Variants in NRG1 observed in about 807,000 individuals in gnomAD.
NRG1 encodes neuregulin 1.
NRG1 carries 18 observed loss-of-function variants against 63.8 expected under a neutral mutation model. The observed-to-expected ratio is 0.28, with a 90% confidence interval of 0.19 to 0.42. NRG1 has a LOEUF of 0.42. Ranked by LOEUF, NRG1 falls within the 10% of genes least tolerant of loss-of-function variation. The pLI is 1.00. For missense variants in NRG1, 762 were observed against 814.7 expected, an observed-to-expected ratio of 0.94 and a Z score of 0.79; for synonymous variants, 302 against 301.3, an observed-to-expected ratio of 1.00 and a Z score of -0.02.
chr8:32,191,004 GACAAT>G (rs1283227898), intron 1 of NRG1, among the ~76,000 whole-genome samples: 2 of 152,100 alleles, frequency 1.3e-5, no homozygotes, highest in Non-Finnish European at 2.9e-5. Flanking sequence ...TCCAGTTGGA[GACAAT>G]ACTTCTGTCT....
intron 1 of NRG1, chr8:32,139,545 GA>G (rs1201839318): frequency 1.3e-5 from 2 of 152,154 alleles, no homozygotes; most frequent in African/African-American, 4.8e-5. Context: ...ACAAATAATA[GA>G]AATATTTGAG....
chr8:32,441,778 T>C (rs973531436), intron 1 of NRG1, among the ~76,000 whole-genome samples: 1 of 152,086 alleles, frequency 6.6e-6, no homozygotes, highest in Non-Finnish European at 1.5e-5. Context: ...AGAAATGTAA[T>C]GCTAACAGTA....
At chr8:32,713,722 G>T (rs1385706465) in intron 5 of NRG1, among the ~76,000 whole-genome samples, 1 of 144,098 alleles carries the variant, frequency 6.9e-6, no homozygotes, top group African/African-American at 2.5e-5. Flanking sequence ...ATATATTTAT[G>T]TTATAAATAT....
intron 1 of NRG1, among the ~76,000 whole-genome samples, chr8:32,574,887 T>C (rs1384761357): frequency 1.3e-5 from 2 of 152,222 alleles, no homozygotes; most frequent in East Asian, 3.8e-4. Flanking sequence ...AACTCTCCTA[T>C]GTTAGTACAT....
At chr8:32,763,284 A>G (rs1249153226) in intron 11 of NRG1, 5 of 1,614,062 alleles carry the variant, frequency 3.1e-6, no homozygotes, top group Middle Eastern at 1.6e-4. Flanking sequence ...AGATCCAGCT[A>G]TCAGCAACTC....
chr8:32,641,335 T>G (rs556437303), intron 5 of NRG1, among the ~76,000 whole-genome samples: 11 of 152,198 alleles, frequency 7.2e-5, no homozygotes, highest in African/African-American at 2.6e-4. Context: ...AAATTAACCA[T>G]TTGAAAGTCA....
At chr8:32,237,016 A>G (rs1263098606) in intron 1 of NRG1, among the ~76,000 whole-genome samples, 1 of 152,106 alleles carries the variant, frequency 6.6e-6, no homozygotes, top group East Asian at 1.9e-4. Flanking sequence ...TAACAAAAAC[A>G]AAAAAACAAA....
At chr8:32,057,274 T>C (rs1218556982) in intron 1 of NRG1, among the ~76,000 whole-genome samples, 4 of 152,204 alleles carry the variant, frequency 2.6e-5, no homozygotes, top group Non-Finnish European at 4.4e-5. Context: ...GCTACAACTG[T>C]ATAATGACAT....
At chr8:32,705,132 A>ATTTTTTT (rs751755810) in intron 5 of NRG1, among the ~76,000 whole-genome samples, 1 of 140,002 alleles carries the variant, frequency 7.1e-6, no homozygotes, top group African/African-American at 2.6e-5. Flanking sequence ...GTGACAATGA[A>ATTTTTTT]TTTTTTTTTT....
intron 1 of NRG1, among the ~76,000 whole-genome samples, chr8:32,337,482 A>C (rs775358361): frequency 2.0e-4 from 30 of 151,856 alleles, no homozygotes; most frequent in Non-Finnish European, 3.2e-4. Flanking sequence ...AGAGGCCATC[A>C]GACTTCAGAG....
chr8:32,075,594 T>A (rs961019043), intron 1 of NRG1, among the ~76,000 whole-genome samples: 4 of 152,226 alleles, frequency 2.6e-5, no homozygotes, highest in Admixed American at 6.5e-5. Flanking sequence ...GTGAATGCTA[T>A]GTAAATAGTT....
At chr8:32,364,535 T>G (rs1186452513) in intron 1 of NRG1, among the ~76,000 whole-genome samples, 1 of 152,150 alleles carries the variant, frequency 6.6e-6, no homozygotes, top group Non-Finnish European at 1.5e-5. Context: ...TGCATAGTAT[T>G]TCTATATTTT....
intron 5 of NRG1, among the ~76,000 whole-genome samples, chr8:32,695,627 C>A (rs955830571): frequency 2.6e-5 from 4 of 152,138 alleles, no homozygotes; most frequent in East Asian, 1.9e-4. Context: ...TTGTTTGACA[C>A]GCAGTGTGAA....
chr8:32,609,494 T>C (rs1845916463), intron 3 of NRG1, among the ~76,000 whole-genome samples: 1 of 151,832 alleles, frequency 6.6e-6, no homozygotes, highest in Non-Finnish European at 1.5e-5. Context: ...CCTAAATAGA[T>C]ATTTACCGTT....
intron 1 of NRG1, among the ~76,000 whole-genome samples, chr8:32,584,800 A>G (rs912344283): frequency 5.9e-5 from 9 of 152,226 alleles, no homozygotes; most frequent in Admixed American, 6.5e-5. Context: ...TTCTTAGATC[A>G]TGAATCAGGG....
chr8:31,696,297 C>T (rs564381124), intron 1 of NRG1, among the ~76,000 whole-genome samples: 186 of 152,276 alleles, frequency 1.2e-3, no homozygotes, highest in African/African-American at 4.0e-3. Flanking sequence ...GAACTCCTGA[C>T]GTCAAGTGAT....
At chr8:31,945,799 T>C (rs1194687110) in intron 1 of NRG1, among the ~76,000 whole-genome samples, 9 of 152,236 alleles carry the variant, frequency 5.9e-5, no homozygotes, top group Admixed American at 5.9e-4. Flanking sequence ...CTCATCTTGT[T>C]ATTTGATCCC....
chr8:32,381,023 CT>C (rs944899541), intron 1 of NRG1, among the ~76,000 whole-genome samples: 21 of 152,342 alleles, frequency 1.4e-4, no homozygotes, highest in African/African-American at 4.8e-4. Context: ...TTCTATCAAA[CT>C]GTATATTTGT....
At chr8:32,735,625 T>G (rs534868403) in intron 6 of NRG1, among the ~76,000 whole-genome samples, 74 of 152,278 alleles carry the variant, frequency 4.9e-4, no homozygotes, top group Middle Eastern at 6.8e-3. Flanking sequence ...TATGTCATTG[T>G]GTCACAATGA....
Sources: allele counts gnomAD v4.1 joint callset (sites outside exome capture counted in the v4.1 genomes callset), GRCh38; gene constraint gnomAD v4.1.1; transcripts MANE v1.5; gene names NCBI Gene and HGNC (gene_info 2026-07-23, HGNC 2026-07-21).